CTNNA2: variants seen among roughly 807,000 people sequenced by gnomAD.
The protein encoded by CTNNA2 is catenin alpha 2.
CTNNA2 carries 42 observed loss-of-function variants against 101.0 expected under a neutral mutation model. That is an observed-to-expected ratio of 0.42 (90% CI 0.32 to 0.54). CTNNA2 has a LOEUF of 0.54. CTNNA2 is among the 20% of genes least tolerant of loss of function. The probability of loss-of-function intolerance (pLI) is 0.14; values close to 1 mark genes in which losing one functional copy is unlikely to be tolerated. For missense variants in CTNNA2, 871 were observed against 1,223.1 expected, an observed-to-expected ratio of 0.71 and a Z score of 4.29; for synonymous variants, 450 against 456.4, an observed-to-expected ratio of 0.99 and a Z score of 0.18.
intron 7 of CTNNA2, among the ~76,000 whole-genome samples, chr2:80,255,964 A>T (rs1176384690): frequency 1.3e-5 from 2 of 152,152 alleles, no homozygotes; most frequent in African/African-American, 4.8e-5. Flanking sequence ...ACTACTGCTT[A>T]TGCGAACTTT....
At chr2:80,067,581 A>G (rs750830094) in intron 7 of CTNNA2, among the ~76,000 whole-genome samples, 49 of 152,202 alleles carry the variant, frequency 3.2e-4, no homozygotes, top group Non-Finnish European at 5.9e-4. Context: ...TTCCAACACA[A>G]TTCCTGATGG....
intron 3 of CTNNA2, among the ~76,000 whole-genome samples, chr2:79,789,098 G>A (rs1392947229): frequency 7.9e-5 from 12 of 152,092 alleles, no homozygotes; most frequent in South Asian, 2.1e-4. Flanking sequence ...TGTTACAATC[G>A]TCATATAAGG....
At chr2:80,551,055 A>G (rs2149646861) in intron 11 of CTNNA2, among the ~76,000 whole-genome samples, 2 of 152,346 alleles carry the variant, frequency 1.3e-5, no homozygotes, top group African/African-American at 4.8e-5. Flanking sequence ...CTGCTGCAGA[A>G]TAGATGTGTT....
intron 3 of CTNNA2, among the ~76,000 whole-genome samples, chr2:79,338,598 C>CTTCTTA (rs1304756720): frequency 6.9e-6 from 1 of 145,110 alleles, no homozygotes; most frequent in Non-Finnish European, 1.5e-5. Flanking sequence ...TCTTCTTCTT[C>CTTCTTA]TTCTTCTTCT....
chr2:79,871,894 T>C (rs1436514415), intron 5 of CTNNA2, among the ~76,000 whole-genome samples: 1 of 152,234 alleles, frequency 6.6e-6, no homozygotes, highest in Admixed American at 6.5e-5. Flanking sequence ...GATGTTCATA[T>C]GAAAATGCCT....
chr2:80,190,404 C>A (rs1433950588), intron 7 of CTNNA2, among the ~76,000 whole-genome samples: 1 of 152,124 alleles, frequency 6.6e-6, no homozygotes, highest in Non-Finnish European at 1.5e-5. Flanking sequence ...GTTTGTATAG[C>A]ATTTTCAGTT....
intron 9 of CTNNA2, among the ~76,000 whole-genome samples, chr2:80,514,513 G>T (rs1389329746): frequency 6.6e-6 from 1 of 152,166 alleles, no homozygotes; most frequent in East Asian, 1.9e-4. Context: ...CCAAGCTCTT[G>T]TCTGGTGTCC....
chr2:79,864,293 AAAGG>A (rs1681859244), intron 4 of CTNNA2, among the ~76,000 whole-genome samples: 1 of 152,210 alleles, frequency 6.6e-6, no homozygotes, highest in African/African-American at 2.4e-5. Context: ...AGGAAAGAAC[AAAGG>A]CATGAGATTA....
At chr2:79,494,058 GA>G (rs972877089) in intron 4 of CTNNA2, among the ~76,000 whole-genome samples, 16 of 151,698 alleles carry the variant, frequency 1.1e-4, no homozygotes, top group Non-Finnish European at 1.5e-4. Flanking sequence ...ATGAAATTAA[GA>G]AAAAAACTGA....
intron 7 of CTNNA2, among the ~76,000 whole-genome samples, chr2:80,046,643 C>T (rs918641734): frequency 3.9e-5 from 6 of 152,160 alleles, no homozygotes; most frequent in African/African-American, 1.4e-4. Flanking sequence ...CAGAACCACT[C>T]ACCTCCAGGC....
intron 7 of CTNNA2, among the ~76,000 whole-genome samples, chr2:80,009,080 G>T (rs574244305): frequency 6.6e-6 from 1 of 152,328 alleles, no homozygotes; most frequent in South Asian, 2.1e-4. Context: ...GTCTTTTACT[G>T]TCTGACATGG....
At chr2:79,291,668 A>C (rs776399963) in intron 2 of CTNNA2, among the ~76,000 whole-genome samples, 1 of 152,014 alleles carries the variant, frequency 6.6e-6, no homozygotes, top group African/African-American at 2.4e-5. Flanking sequence ...CCTAATTTCA[A>C]CCTTTCTCCT....
At chr2:79,587,995 T>C (rs1676605771) in intron 1 of CTNNA2, among the ~76,000 whole-genome samples, 1 of 152,188 alleles carries the variant, frequency 6.6e-6, no homozygotes, top group Non-Finnish European at 1.5e-5. Context: ...TGGATGCCCT[T>C]CAAAGTAAAT....
intron 1 of CTNNA2, among the ~76,000 whole-genome samples, chr2:79,192,011 A>C (rs918389498): frequency 6.6e-6 from 1 of 152,170 alleles, no homozygotes; most frequent in South Asian, 2.1e-4. Flanking sequence ...CAAAACCACA[A>C]AAGGGGAGGG....
intron 2 of CTNNA2, among the ~76,000 whole-genome samples, chr2:79,231,289 C>T (rs1674490068): frequency 6.6e-6 from 1 of 152,132 alleles, no homozygotes; most frequent in African/African-American, 2.4e-5. Context: ...CGGGTCCTTC[C>T]TGTGCTATTC....
chr2:79,988,274 G>A (rs997824743), intron 7 of CTNNA2, among the ~76,000 whole-genome samples: 1 of 152,200 alleles, frequency 6.6e-6, no homozygotes, highest in African/African-American at 2.4e-5. Context: ...GCACAGGTAA[G>A]AGCTTAGACT....
chr2:80,132,335 G>A (rs1702460711), intron 7 of CTNNA2, among the ~76,000 whole-genome samples: 1 of 152,112 alleles, frequency 6.6e-6, no homozygotes, highest in African/African-American at 2.4e-5. Context: ...GAGTCGTAGA[G>A]ACAAGACTGG....
At chr2:79,996,395 A>C (rs1027901709) in intron 7 of CTNNA2, among the ~76,000 whole-genome samples, 1 of 152,180 alleles carries the variant, frequency 6.6e-6, no homozygotes, top group Non-Finnish European at 1.5e-5. Flanking sequence ...AAAATTCAAC[A>C]TAATTCTGAT....
chr2:80,580,940 T>C (rs1274263079), intron 13 of CTNNA2, among the ~76,000 whole-genome samples: 1 of 152,110 alleles, frequency 6.6e-6, no homozygotes, highest in Non-Finnish European at 1.5e-5. Context: ...AACTTGAACC[T>C]GGGAGGTGGA....
Sources: gnomAD v4.1 joint callset for allele counts (sites outside exome capture counted in the v4.1 genomes callset) on GRCh38, gnomAD v4.1.1 for gene constraint, MANE v1.5 for transcripts, NCBI Gene and HGNC (gene_info 2026-07-23, HGNC 2026-07-21) for gene names.